Variants in GREB1L observed in about 807,000 individuals in gnomAD.
GREB1L encodes GREB1-like protein.
GREB1L carries 17 observed loss-of-function variants against 200.8 expected under a neutral mutation model. The ratio of observed to expected loss-of-function variants is 0.08; its 90% confidence interval spans 0.06 to 0.13. The LOEUF (loss-of-function observed/expected upper bound fraction) is 0.13, where lower values mean the gene tolerates loss of function less well. GREB1L is among the 10% of genes least tolerant of loss of function. The pLI, the probability that GREB1L is intolerant of heterozygous loss-of-function variation, is 1.00. For synonymous variants in GREB1L, 789 were observed against 893.0 expected, an observed-to-expected ratio of 0.88 and a Z score of 2.08; for missense variants, 1,657 against 2,367.7, an observed-to-expected ratio of 0.70 and a Z score of 6.23.
intron 1 of GREB1L, among the ~76,000 whole-genome samples, chr18:21,328,185 C>G (rs564843898): frequency 3.9e-5 from 6 of 152,256 alleles, no homozygotes; most frequent in African/African-American, 1.2e-4. Context: ...TTGCCCCCCC[C>G]CGTTCCCCAG....
chr18:21,353,998 AG>A (rs1403303685), intron 1 of GREB1L, among the ~76,000 whole-genome samples: 2 of 152,126 alleles, frequency 1.3e-5, no homozygotes, highest in African/African-American at 4.8e-5. Context: ...CGTGTTGGCC[AG>A]GCTGGTCTTG....
chr18:21,520,006 G>A (rs2037557422), intron 31 of GREB1L, among the ~76,000 whole-genome samples: 1 of 150,640 alleles, frequency 6.6e-6, no homozygotes, highest in Non-Finnish European at 1.5e-5. Flanking sequence ...GTGCAACCTC[G>A]GCTCAGTGCA....
intron 7 of GREB1L, among the ~76,000 whole-genome samples, chr18:21,431,993 G>A (rs1352142886): frequency 7.2e-6 from 1 of 138,770 alleles, no homozygotes; most frequent in East Asian, 2.3e-4. Context: ...CATGATCTCA[G>A]CTCACTGCAA....
intron 7 of GREB1L, among the ~76,000 whole-genome samples, chr18:21,430,608 T>TA (rs1555645925): frequency 5.0e-5 from 6 of 120,140 alleles, no homozygotes; most frequent in South Asian, 2.7e-4. Flanking sequence ...TTTTTTTTTT[T>TA]AATTTGAGAC....
Position 21,363,293 on chromosome 18 carries a change from C to G in GREB1L, c.-119-2734C>G, listed in dbSNP as rs1486137033. ...CCCACTCCGCCTCCCCCCCGCCCCC[C>G]CCCCCCCACACACACAAGAACTCCT... On this transcript the variant is annotated intron_variant, in intron 1 of 32. Coordinates refer to ENST00000424526, the MANE Select transcript of GREB1L (RefSeq NM_001142966.3). Among the ~76,000 whole-genome samples, 165 of 106,994 alleles carry G rather than the reference C, an allele frequency of 1.5e-3. 14 individuals carry two copies. Among genetic ancestry groups the G allele is most frequent in the Non-Finnish European group, 2.9e-3 (149 of 51,506 alleles). The allele number at this position is 106,994 out of a possible 152,430, so 70.2% of individuals were successfully genotyped here.
chr18:21,484,684 G>A (rs1156563317), intron 17 of GREB1L, among the ~76,000 whole-genome samples: 6 of 152,104 alleles, frequency 3.9e-5, no homozygotes, highest in Admixed American at 6.5e-5. Flanking sequence ...TTAGCTGGGC[G>A]TGGTGGTGGG....
At chr18:21,363,295 C>A (rs1184702079) in intron 1 of GREB1L, among the ~76,000 whole-genome samples, 5 of 110,388 alleles carry the variant, frequency 4.5e-5, no homozygotes, top group Non-Finnish European at 7.5e-5. Flanking sequence ...CCGCCCCCCC[C>A]CCCCCACACA....
At chr18:21,434,543 G>A (rs1476068893) in intron 7 of GREB1L, among the ~76,000 whole-genome samples, 1 of 143,926 alleles carries the variant, frequency 6.9e-6, no homozygotes, top group Admixed American at 7.0e-5. Flanking sequence ...ATATATATGT[G>A]TATATATATG....
At chr18:21,295,283 A>AAC (rs994886169) in intron 1 of GREB1L, among the ~76,000 whole-genome samples, 11 of 152,154 alleles carry the variant, frequency 7.2e-5, no homozygotes, top group Non-Finnish European at 1.3e-4. Context: ...CATGGTGAGG[A>AAC]ACGGCTTGTT....
intron 1 of GREB1L, among the ~76,000 whole-genome samples, chr18:21,335,633 T>C (rs532035197): frequency 1.3e-5 from 2 of 152,124 alleles, no homozygotes; most frequent in South Asian, 4.1e-4. Context: ...AGGCCTTGAT[T>C]ATAGCTATAA....
chr18:21,345,385 TGTC>T (rs1219632645), intron 1 of GREB1L, among the ~76,000 whole-genome samples: 3 of 152,184 alleles, frequency 2.0e-5, no homozygotes, highest in African/African-American at 7.2e-5. Flanking sequence ...CAGTAATCCT[TGTC>T]GTGGTCTTTA....
chr18:21,432,497 G>C (rs1403474051), intron 7 of GREB1L, among the ~76,000 whole-genome samples: 1 of 151,456 alleles, frequency 6.6e-6, no homozygotes, highest in African/African-American at 2.4e-5. Flanking sequence ...CCTGGTGTAA[G>C]ATGTTGGTAC....
At chr18:21,403,725 T>A in intron 6 of GREB1L, 147 bp from the exon 7 acceptor site, 1 of 604,184 alleles carries the variant, frequency 1.7e-6, no homozygotes, top group Non-Finnish European at 2.9e-6. Flanking sequence ...TCTGTTGGAG[T>A]CAGGATGGGG....
intron 1 of GREB1L, among the ~76,000 whole-genome samples, chr18:21,282,832 T>G (rs2038292776): frequency 6.6e-6 from 1 of 152,188 alleles, no homozygotes; most frequent in African/African-American, 2.4e-5. Context: ...ACCCCTGACC[T>G]TATGATCCTC....
intron 24 of GREB1L, 44 bp from the exon 25 acceptor site, chr18:21,505,766 A>G: frequency 6.6e-7 from 1 of 1,525,446 alleles, no homozygotes; most frequent in Non-Finnish European, 8.8e-7. Flanking sequence ...GCATAGGGAA[A>G]ACATGTTATC....
chr18:21,419,530 G>T (rs1300099748), intron 7 of GREB1L, among the ~76,000 whole-genome samples: 1 of 152,186 alleles, frequency 6.6e-6, no homozygotes, highest in African/African-American at 2.4e-5. Context: ...TTGGCTCACT[G>T]CAACCTCCAC....
At chr18:21,253,166 A>G (rs1428413795) in intron 1 of GREB1L, among the ~76,000 whole-genome samples, 5 of 152,000 alleles carry the variant, frequency 3.3e-5, no homozygotes, top group African/African-American at 1.2e-4. Flanking sequence ...CTAGTCCTGC[A>G]TGTTTTCTGG....
intron 28 of GREB1L, among the ~76,000 whole-genome samples, chr18:21,514,835 GT>G (rs2037362204): frequency 6.6e-6 from 1 of 152,184 alleles, no homozygotes; most frequent in African/African-American, 2.4e-5. Context: ...AAAATCAGTG[GT>G]TCTCTTCCTG....
At chr18:21,374,554 C>G (rs2039997263) in intron 2 of GREB1L, among the ~76,000 whole-genome samples, 1 of 152,170 alleles carries the variant, frequency 6.6e-6, no homozygotes, top group East Asian at 1.9e-4. Flanking sequence ...TGAGTTATTA[C>G]TTAGAATATG....
Sources: allele counts gnomAD v4.1 joint callset (sites outside exome capture counted in the v4.1 genomes callset), GRCh38; gene constraint gnomAD v4.1.1; transcripts MANE v1.5; gene names NCBI Gene and HGNC (gene_info 2026-07-23, HGNC 2026-07-21).